MUC4: variants seen among roughly 807,000 people sequenced by gnomAD.
The protein encoded by MUC4 is mucin-4.
MUC4 carries 202 observed loss-of-function variants against 257.9 expected under a neutral mutation model. The ratio of observed to expected loss-of-function variants is 0.78; its 90% CI spans 0.70 to 0.88. MUC4 has a LOEUF of 0.88. Ranked by LOEUF, MUC4 falls within the 40% of genes least tolerant of loss-of-function variation. The pLI, the probability that MUC4 is intolerant of heterozygous loss-of-function variation, is 0.00. For synonymous variants in MUC4, 2,351 were observed against 2,757.1 expected, an observed-to-expected ratio of 0.85 and a Z score of 4.62; for missense variants, 5,976 against 6,513.7, an observed-to-expected ratio of 0.92 and a Z score of 2.84.
chr3:195,786,974 G>A lies in MUC4; in HGVS notation c.4606C>T (p.Pro1536Ser). ...LSSASTGDTM[P>S]LPVTSPSSAS... ...GAGGAAGGGCTAGTGACAGGAAGAG[G>A]CATGGTGTCACCTGTGGATGCTGAG... Residue 1536 changes from proline (P) to serine (S), a missense_variant, in exon 2 of 25, where the codon CCT (proline) becomes TCT (serine). Physicochemically the swap from Pro to Ser is moderately conservative, Grantham distance 74. Around this residue, in one of 44 missense-constraint regions of MUC4, gnomAD observed 63 missense variants for 68.8 expected, o/e 0.92. Transcript: ENST00000463781. 2.1e-6 allele frequency: 2 copies of A among 933,790 alleles called. No individual in the cohort carries two copies. The highest frequency in any genetic ancestry group is 2.8e-6 in the Non-Finnish European group (2 of 704,238). The allele number at this position is 933,790 out of a possible 1,614,324, so 57.8% of individuals were successfully genotyped here. A position where few individuals can be genotyped will look rare whatever the true frequency, so the allele number is the denominator to read the frequency against.
rs1578019228 is a variant in MUC4, at chr3:195,763,524, T to A, written c.14162A>T (p.Gln4721Leu). ...AQDGNSSFLL[Q>L]GRTAQTGSAQ... is the part of the protein sequence containing the mutation. Reference sequence around the variant, plus strand: ...TGAGCCAGTCTGGGCGGTGCGGCCCTGAAGCAGGAAGGAGGAGTTCCCGTC... The same window carrying A: ...TGAGCCAGTCTGGGCGGTGCGGCCCAGAAGCAGGAAGGAGGAGTTCCCGTC... Residue 4721 changes from glutamine to leucine, a missense_variant, in exon 12 of 25, where the codon CAG (glutamine) becomes CTG (leucine). Gln to Leu is a moderately radical substitution (Grantham distance 113). Transcript: ENST00000463781. The A allele has an allele frequency of 6.3e-7, 1 of 1,575,270 alleles. No homozygotes were observed. Among genetic ancestry groups the A allele is most frequent in the Non-Finnish European group, 8.6e-7 (1 of 1,159,404 alleles).
chr3:195,762,443 T>TGGCCCTGCACCGCCACGCACTG (rs1719229710), intron 13 of MUC4, among the ~76,000 whole-genome samples, 189 bp from the exon 14 acceptor site: 3 of 116,830 alleles, frequency 2.6e-5, no homozygotes, highest in African/African-American at 5.9e-5. Context: ...TGCGCTCTCT[T>TGGCCCTGCACCGCCACGCACTG]GGCCCTGCAC....
Position 195,783,888 on chromosome 3 carries a change from G to A in MUC4, c.7692C>T (p.Thr2564=), listed in dbSNP as rs770801502. 5.1e-5 allele frequency: 77 copies of A among 1,507,166 alleles called. 1 individual carries two copies. Among genetic ancestry groups the A allele is most frequent in the African/African-American group, 2.4e-4 (15 of 63,130 alleles). The allele number at this position is 1,507,166 out of a possible 1,614,324, so 93.4% of individuals were successfully genotyped here. The change falls in exon 2 of 25, where the codon ACC becomes ACT. Residue 2564 remains threonine, a synonymous_variant. Coordinates refer to ENST00000463781, the MANE Select transcript of MUC4 (RefSeq NM_018406.7). ...STGHATSLPV[T]DTSAASTGHA... is the part of the protein sequence containing the mutation. ...GACCTGTGGATGCTGCGGAAGTGTC[G>A]GTGACAGGAAGAGAGGTGGCGTGAC... is the stretch of plus-strand genomic sequence containing the variant.
intron 19 of MUC4, chr3:195,753,467 C>T (rs1716888930): frequency 1.9e-6 from 1 of 534,430 alleles, no homozygotes. Context: ...TTCTCAGACC[C>T]TCTGCTTCAG....
At position 195,793,979 on chromosome 3, in the gene MUC4, A is replaced by AT. The variant is rs999993378; in HGVS notation, c.83-2483dup. Among the ~76,000 whole-genome samples, 80 of 151,966 alleles carry AT rather than the reference A, an allele frequency of 5.3e-4. 1 individual carries two copies. Among genetic ancestry groups the AT allele is most frequent in the African/African-American group, 1.9e-3 (78 of 41,448 alleles). On this transcript the variant is annotated intron_variant, in intron 1 of 24. Transcript: ENST00000463781. ...AGGCAGAGGCCAGGCATGGTGGCTCATGTCTGTAATCCCAGCATTTTGGGA... is the reference window on the plus strand; with the variant it reads ...AGGCAGAGGCCAGGCATGGTGGCTCATTGTCTGTAATCCCAGCATTTTGGGA...
At chr3:195,772,452 G>T (rs1252551380) in intron 4 of MUC4, among the ~76,000 whole-genome samples, 4 of 142,176 alleles carry the variant, frequency 2.8e-5, no homozygotes, top group Non-Finnish European at 4.6e-5. Context: ...ATCGCTCAGG[G>T]GTGTAGACAC....
Position 195,787,464 on chromosome 3 carries a change from A to AC in MUC4, c.4115dup (p.Gln1373SerfsTer17). The stretch of plus-strand genomic sequence containing the variant: ...TGGTGACAGGAAGAGGGGTGGCCTG[A>AC]CCTGTGGATGCTGAGGAAGCATCAG... On this transcript the variant is annotated frameshift_variant, in exon 2 of 25. Coordinates refer to ENST00000463781, the MANE Select transcript of MUC4 (RefSeq NM_018406.7). LOFTEE classifies it high-confidence loss of function. 1.4e-6 allele frequency: 1 copy of AC among 711,570 alleles called. No homozygotes were observed. Among genetic ancestry groups the AC allele is most frequent in the East Asian group, 3.2e-5 (1 of 30,880 alleles). The allele number at this position is 711,570 out of a possible 1,614,324, so 44.1% of individuals were successfully genotyped here.
At chr3:195,806,871 T>C (rs1560423710) in intron 1 of MUC4, among the ~76,000 whole-genome samples, 1 of 152,236 alleles carries the variant, frequency 6.6e-6, no homozygotes, top group African/African-American at 2.4e-5. Context: ...GTAGAAATTC[T>C]GCAAGTGAAT....
intron 12 of MUC4, among the ~76,000 whole-genome samples, 193 bp downstream of exon 12, chr3:195,763,240 G>A (rs1052211468): frequency 2.6e-5 from 4 of 152,250 alleles, no homozygotes; most frequent in African/African-American, 9.6e-5. Context: ...AAGCAGCTGG[G>A]AAACCGTGGG....
Position 195,751,275 on chromosome 3 carries a change from G to T in MUC4, c.15583-4C>A. 1 of 1,603,086 alleles carries T rather than the reference G, an allele frequency of 6.2e-7. No homozygotes were observed. Among genetic ancestry groups the T allele is most frequent in the Admixed American group, 1.7e-5 (1 of 58,800 alleles). ...GGGTCCCCAGTCTGTATGCCACCTAGGTTAGAGGATGGCAGATGGGGGTGG... is the reference window on the plus strand; with the variant it reads ...GGGTCCCCAGTCTGTATGCCACCTATGTTAGAGGATGGCAGATGGGGGTGG... On this transcript the variant is annotated splice_region_variant and splice_polypyrimidine_tract_variant and intron_variant, in intron 21 of 24. Transcript: ENST00000463781.
chr3:195,751,639 G>A lies in MUC4; in HGVS notation c.15583-368C>T, dbSNP rs183387583. On this transcript the variant is annotated intron_variant, in intron 21 of 24. Transcript: ENST00000463781. Reference sequence around the variant, plus strand: ...ACCTAGGAGATGGTCGGGGCTGGGGGTGTCAAGGTGACTTAGGTGGAGTCT... The same window carrying A: ...ACCTAGGAGATGGTCGGGGCTGGGGATGTCAAGGTGACTTAGGTGGAGTCT... 3 of 371,052 alleles carry A rather than the reference G, an allele frequency of 8.1e-6. No individual in the cohort carries two copies. In the South Asian group the frequency reaches 1.1e-4, roughly 14 times the overall value. The allele number at this position is 371,052 out of a possible 1,614,324, so 23.0% of individuals were successfully genotyped here. A position where few individuals can be genotyped will look rare whatever the true frequency, so the allele number is the denominator to read the frequency against.
Position 195,778,799 on chromosome 3 carries a change from C to G in MUC4, c.12781G>C (p.Glu4261Gln), listed in dbSNP as rs368154560. 8.9e-5 allele frequency: 144 copies of G among 1,609,776 alleles called. 2 individuals are homozygous for G. In the African/African-American group the frequency reaches 1.1e-3, roughly 12 times the overall value. ...GGCAGTTGGCAGCTACCTGGTGTTT[C>G]CATCTTCAGAGGGGAGTCCGAGGAT... ...TVSSDSPLKM[E>Q]TPGMTTPSLK... Residue 4261 changes from glutamate (E) to glutamine (Q), a missense_variant, in exon 2 of 25, where the codon GAA (glutamate) becomes CAA (glutamine). Around this residue, in one of 44 missense-constraint regions of MUC4, gnomAD observed 233 missense variants for 171.2 expected, o/e 1.36. Coordinates refer to ENST00000463781, the MANE Select transcript of MUC4 (RefSeq NM_018406.7).
At chr3:195,778,705 G>A (rs1725632061) in intron 2 of MUC4, 85 bp downstream of exon 2, 1 of 1,424,150 alleles carries the variant, frequency 7.0e-7, no homozygotes, top group Non-Finnish European at 9.5e-7. Flanking sequence ...TAATGCGAAT[G>A]CACCAGTGTT....
In MUC4 at chr3:195,779,684, C is replaced by A; in HGVS notation, c.11896G>T (p.Ala3966Ser). ...TDTSSVSTGH[A>S]TSLPVTSRSS... is the part of the protein sequence containing the mutation. ...CGGCTGGTGACAGGAAGAGAGGTGG[C>A]GTGACCTGTGGATACTGAGGAAGTG... Residue 3966 changes from alanine (A) to serine (S), a missense_variant, in exon 2 of 25, where the codon GCC becomes TCC. This residue lies in a region of MUC4 where 293 missense variants were observed against 294.5 expected (regional missense o/e 1.00). Transcript: ENST00000463781. 1.3e-5 allele frequency: 14 copies of A among 1,041,440 alleles called. 1 individual carries two copies. Among genetic ancestry groups the A allele is most frequent in the Middle Eastern group, 3.6e-4 (1 of 2,810 alleles). 64.5% of individuals were successfully genotyped at this position (1,041,440 alleles called of 1,614,324 possible).
chr3:195,801,339 C>G (rs1578476477), intron 1 of MUC4, among the ~76,000 whole-genome samples: 1 of 152,120 alleles, frequency 6.6e-6, no homozygotes. Context: ...TCTCCTCTCT[C>G]TTCTCTCCCC....
chr3:195,761,248 TTC>T (rs1638956274), intron 15 of MUC4, 131 bp from the exon 16 acceptor site: 3 of 852,378 alleles, frequency 3.5e-6, no homozygotes, highest in African/African-American at 1.7e-5. Flanking sequence ...GGTTTCCAGC[TTC>T]TGAGTCTAGA....
At chr3:195,763,097 C>G in intron 12 of MUC4, 152 bp from the exon 13 acceptor site, 1 of 687,740 alleles carries the variant, frequency 1.5e-6, no homozygotes, top group South Asian at 1.8e-5. Flanking sequence ...CAGCCGCCGT[C>G]TACCGTGTGC....
chr3:195,761,850 C>A (rs1161477994), intron 14 of MUC4, among the ~76,000 whole-genome samples: 1 of 151,992 alleles, frequency 6.6e-6, no homozygotes, highest in Non-Finnish European at 1.5e-5. Context: ...ATGGCTGTGC[C>A]CCCCGCCTCC....
At chr3:195,762,279 A>C (rs926042337) in intron 13 of MUC4, 25 bp from the exon 14 acceptor site, 80 of 1,552,524 alleles carry the variant, frequency 5.2e-5, no homozygotes, top group Non-Finnish European at 7.0e-5. Flanking sequence ...GGCAGCGGAG[A>C]GGAAGCCAGG....
Sources: gnomAD v4.1 joint callset for allele counts (sites outside exome capture counted in the v4.1 genomes callset) on GRCh38, gnomAD v4.1.1 for gene constraint, gnomAD v4.1.1 regional missense constraint, MANE v1.5 for transcripts, NCBI Gene and HGNC (gene_info 2026-07-23, HGNC 2026-07-21) for gene names.